TRAF1: variants seen among roughly 807,000 people sequenced by gnomAD.
TRAF1 encodes TNF receptor associated factor 1.
In TRAF1, 23 loss-of-function variants were observed where a neutral mutation model predicts 40.9. The observed-to-expected ratio is 0.56, with a 90% CI of 0.40 to 0.80. The LOEUF is 0.80. TRAF1 is among the 30% of genes least tolerant of loss of function. The pLI is 0.00. For missense variants in TRAF1, 477 were observed against 528.7 expected, an observed-to-expected ratio of 0.90 and a Z score of 0.96; for synonymous variants, 206 against 218.8, an observed-to-expected ratio of 0.94 and a Z score of 0.52.
Position 120,904,073 on chromosome 9 carries a change from G to C in TRAF1, c.*947C>G. ...GATGCCTCAGTTAATCAGGTGTTACGGGATTCTGGAAAGCACCAAAGGTGG... is the reference window on the plus strand; with the variant it reads ...GATGCCTCAGTTAATCAGGTGTTACCGGATTCTGGAAAGCACCAAAGGTGG... On this transcript the variant is annotated 3_prime_UTR_variant, in exon 8 of 8. Transcript: ENST00000373887. 1 of 152,264 alleles carries C rather than the reference G, an allele frequency of 6.6e-6. No individual in the cohort carries two copies. Among genetic ancestry groups the C allele is most frequent in the East Asian group, 1.9e-4 (1 of 5,198 alleles). The allele number at this position is 152,264 out of a possible 1,614,324, so 9.4% of individuals were successfully genotyped here. A position where few individuals can be genotyped will look rare whatever the true frequency, so the allele number is the denominator to read the frequency against.
At chr9:120,909,523 G>A (rs546497092) in intron 6 of TRAF1, 145 bp from the exon 7 acceptor site, 53 of 963,368 alleles carry the variant, frequency 5.5e-5, no homozygotes, top group Middle Eastern at 3.3e-4. Flanking sequence ...CGAGTAGGGT[G>A]TCAGACAGGA....
intron 6 of TRAF1, 24 bp downstream of exon 6, chr9:120,911,312 C>T (rs1203129694): frequency 1.2e-6 from 2 of 1,606,986 alleles, no homozygotes; most frequent in Non-Finnish European, 1.7e-6. Flanking sequence ...CCAGGCAGGT[C>T]TCTGTGCCCC....
intron 2 of TRAF1, among the ~76,000 whole-genome samples, chr9:120,924,060 T>C (rs1040790239): frequency 7.9e-5 from 12 of 152,230 alleles, no homozygotes; most frequent in Admixed American, 6.5e-5. Flanking sequence ...AGTGTGAATA[T>C]ATACATGTTT....
chr9:120,911,461 A>C lies in TRAF1; in HGVS notation c.758T>G (p.Leu253Arg). The change falls in exon 6 of 8, where the codon CTG becomes CGG. Residue 253 changes from leucine to arginine, a missense_variant. By Grantham distance (102) the Leu-to-Arg change is moderately radical. Transcript: ENST00000373887. ...CTCCATGAGGCGCAAGCTCTGCTCCAGCTTGCCCAGGGCCTGGTCTTTCTG... is the reference window on the plus strand; with the variant it reads ...CTCCATGAGGCGCAAGCTCTGCTCCCGCTTGCCCAGGGCCTGGTCTTTCTG... Reference protein sequence around the residue: ...LAQKDQALGKLEQSLRLMEEA... With the variant: ...LAQKDQALGKREQSLRLMEEA... The C allele has an allele frequency of 6.2e-7, 1 of 1,613,484 alleles. No individual in the cohort carries two copies.
intron 5 of TRAF1, 119 bp downstream of exon 5, chr9:120,913,209 C>A: frequency 3.2e-6 from 4 of 1,264,842 alleles, no homozygotes; most frequent in Non-Finnish European, 3.2e-6. Context: ...AGGGGAGATA[C>A]GTTTTGATGG....
At chr9:120,906,182 T>TG (rs145022801) in intron 7 of TRAF1, among the ~76,000 whole-genome samples, 84 of 142,580 alleles carry the variant, frequency 5.9e-4, no homozygotes, top group Admixed American at 1.0e-3. Flanking sequence ...TGTTTTTTTT[T>TG]TTTTTTTTTT....
At chr9:120,914,035 G>A (rs757410432) in intron 4 of TRAF1, among the ~76,000 whole-genome samples, 200 bp downstream of exon 4, 3 of 152,158 alleles carry the variant, frequency 2.0e-5, no homozygotes, top group Non-Finnish European at 4.4e-5. Context: ...CCTATGCTTA[G>A]GTAAGACATT....
At chr9:120,912,423 G>A (rs984041343) in intron 5 of TRAF1, among the ~76,000 whole-genome samples, 3 of 152,130 alleles carry the variant, frequency 2.0e-5, no homozygotes, top group African/African-American at 7.2e-5. Context: ...TTGGGAGGCC[G>A]AGGCAGGTGG....
In TRAF1 at chr9:120,905,165, G is replaced by A. The variant is rs770284947; in HGVS notation, c.1106C>T (p.Ala369Val). The part of the protein sequence containing the change: ...IDAFRPDLSS[A>V]SFQRPQSETN... ...TTCACTCTGGGGCCTCTGGAAGGAC[G>A]CTGAGCTTAGGTCAGGCCGGAAGGC... The change falls in exon 8 of 8, where the codon GCG (alanine) becomes GTG (valine). Residue 369 changes from alanine to valine, a missense_variant. Physicochemically the swap from Ala to Val is moderately conservative, Grantham distance 64 (BLOSUM62 0). Coordinates refer to ENST00000373887, the MANE Select transcript of TRAF1 (RefSeq NM_005658.5). The A allele has an allele frequency of 1.2e-5, 19 of 1,614,038 alleles. No individual in the cohort carries two copies. The East Asian group carries it at 1.6e-4, about 13-fold the overall frequency.
rs1166094226 is a variant in TRAF1 at position 120,909,329 on chromosome 9, C to T, written c.933G>A (p.Leu311=). Reference sequence around the variant, plus strand: ...TTCTCTTTCCAGTGCCATCTCCATTCAGGTACAGCCGCAGGCACAACTTGT... The same window carrying T: ...TTCTCTTTCCAGTGCCATCTCCATTTAGGTACAGCCGCAGGCACAACTTGT... ...YGYKLCLRLY[L]NGDGTGKRTH... is the part of the protein sequence containing the mutation. Residue 311 remains leucine, a synonymous_variant, in exon 7 of 8, where the codon CTG becomes CTA. Coordinates refer to ENST00000373887, the MANE Select transcript of TRAF1 (RefSeq NM_005658.5). The T allele has an allele frequency of 1.2e-6, 2 of 1,614,068 alleles. No individual in the cohort carries two copies. The highest frequency in any genetic ancestry group is 8.5e-7 in the Non-Finnish European group (1 of 1,180,046).
chr9:120,924,643 G>A (rs1455902137), intron 2 of TRAF1, among the ~76,000 whole-genome samples: 1 of 152,206 alleles, frequency 6.6e-6, no homozygotes, highest in Non-Finnish European at 1.5e-5. Context: ...TCAAACTCCT[G>A]ACCTCAAGTG....
At chr9:120,914,565 T>C (rs927005101) in intron 3 of TRAF1, 2 of 1,121,046 alleles carry the variant, frequency 1.8e-6, no homozygotes, top group African/African-American at 3.2e-5. Context: ...CACAGCTCCG[T>C]AATCATCACT....
rs759834952 is a variant in TRAF1 at position 120,905,190 on chromosome 9, C to T, written c.1081G>A (p.Ala361Thr). 12 of 1,613,816 alleles carry T rather than the reference C, an allele frequency of 7.4e-6. No individual in the cohort carries two copies. Among genetic ancestry groups the T allele is most frequent in the Admixed American group, 1.7e-5 (1 of 59,946 alleles). Residue 361 changes from alanine to threonine, a missense_variant, in exon 8 of 8, where the codon GCC (alanine) becomes ACC (threonine). Ala to Thr is a moderately conservative substitution (Grantham distance 58). Coordinates refer to ENST00000373887, the MANE Select transcript of TRAF1 (RefSeq NM_005658.5). ...DQNNREHAID[A>T]FRPDLSSASF... is the part of the protein sequence containing the mutation. ...GCTGAGCTTAGGTCAGGCCGGAAGG[C>T]GTCAATGGCGTGCTCACGGTTGTTC...
chr9:120,928,238 A>C (rs2131639395), upstream of TRAF1: 1 of 152,356 alleles, frequency 6.6e-6, no homozygotes, highest in South Asian at 2.1e-4. Context: ...CCAGTCCTGT[A>C]ACCACGCACG....
chr9:120,919,453 G>A (rs2046590792), intron 3 of TRAF1, among the ~76,000 whole-genome samples: 1 of 152,176 alleles, frequency 6.6e-6, no homozygotes, highest in African/African-American at 2.4e-5. Context: ...ACTGTTAAGA[G>A]GGTGCTGGGA....
intron 7 of TRAF1, among the ~76,000 whole-genome samples, chr9:120,905,680 A>G (rs2046475400): frequency 1.3e-5 from 2 of 152,234 alleles, no homozygotes; most frequent in African/African-American, 4.8e-5. Flanking sequence ...CAGAAGGGCC[A>G]GAACAGAGAG....
In TRAF1 at chr9:120,911,437, T is replaced by A. The variant is rs775416020; in HGVS notation, c.782A>T (p.Glu261Val). ...GKLEQSLRLMEEASFDGTFLW... is the reference protein window; with the variant it reads ...GKLEQSLRLMVEASFDGTFLW... ...GAAAGTGCCATCGAAGGAGGCCTCC[T>A]CCATGAGGCGCAAGCTCTGCTCCAG... Residue 261 changes from glutamate (E) to valine (V), a missense_variant, in exon 6 of 8, where the codon GAG becomes GTG. Glu to Val is a moderately radical substitution (Grantham distance 121). Coordinates refer to ENST00000373887, the MANE Select transcript of TRAF1 (RefSeq NM_005658.5). 1.9e-6 allele frequency: 3 copies of A among 1,613,598 alleles called. No homozygotes were observed. In the South Asian group the frequency reaches 3.3e-5, roughly 18 times the overall value.
In TRAF1 at chr9:120,913,635, C is replaced by A; in HGVS notation, c.398G>T (p.Gly133Val). 1 of 1,613,594 alleles carries A rather than the reference C, an allele frequency of 6.2e-7. No homozygotes were observed. Among genetic ancestry groups the A allele is most frequent in the Non-Finnish European group, 8.5e-7 (1 of 1,179,884 alleles). Residue 133 changes from glycine (G) to valine (V), a missense_variant, in exon 5 of 8, where the codon GGC (glycine) becomes GTC (valine). Physicochemically the swap from Gly to Val is moderately radical, Grantham distance 109. Transcript: ENST00000373887. ...MKQWKARLGC[G>V]LESGPMALEQ... Reference sequence around the variant, plus strand: ...CAGGGCCATGGGCCCAGACTCCAGGCCACAGCCCAGCCGGGCCTTCCACTG... The same window carrying A: ...CAGGGCCATGGGCCCAGACTCCAGGACACAGCCCAGCCGGGCCTTCCACTG...
intron 4 of TRAF1, among the ~76,000 whole-genome samples, 191 bp downstream of exon 4, chr9:120,914,044 T>C (rs750776147): frequency 1.1e-4 from 17 of 152,242 alleles, no homozygotes; most frequent in South Asian, 2.1e-4. Context: ...AGGTAAGACA[T>C]TAGGAAGAAC....
Sources: gnomAD v4.1 joint callset for allele counts (sites outside exome capture counted in the v4.1 genomes callset) on GRCh38, gnomAD v4.1.1 for gene constraint, MANE v1.5 for transcripts, NCBI Gene and HGNC (gene_info 2026-07-23, HGNC 2026-07-21) for gene names.